The following TADA2A variants were observed in gnomAD, a reference collection of about 807,000 sequenced individuals.
TADA2A encodes the protein transcriptional adaptor 2A, also known as transcriptional adapter 2-alpha.
TADA2A carries 38 observed loss-of-function variants against 67.4 expected under a neutral mutation model. The observed-to-expected ratio is 0.56, with a 90% confidence interval of 0.44 to 0.74. The LOEUF is 0.74. TADA2A is among the 30% of genes least tolerant of loss of function. TADA2A has a pLI of 0.00. For missense variants in TADA2A, 454 were observed against 547.0 expected (o/e 0.83, Z 1.70); for synonymous variants, 192 against 181.6 (o/e 1.06, Z -0.46).
rs367602386 is a variant in TADA2A, at chr17:37,458,581, G to A, written c.662G>A (p.Arg221Gln). ...TCCAGGTTAAAGGAGAGACAAAGACGAAAAAAGTAAGTATAAAAAACCATC... is the reference window on the plus strand; with the variant it reads ...TCCAGGTTAAAGGAGAGACAAAGACAAAAAAAGTAAGTATAAAAAACCATC... The part of the protein sequence containing the change: ...YHSRLKERQR[R>Q]KKIIRDHGLI... The change falls in exon 9 of 16, where the codon CGA becomes CAA. Residue 221 changes from arginine to glutamine, a missense_variant. This residue lies in a region of TADA2A where 403 missense variants were observed against 455.5 expected (regional missense o/e 0.88). Coordinates refer to ENST00000615182, the MANE Select transcript of TADA2A (RefSeq NM_001166105.3). 32 of 1,610,940 alleles carry A rather than the reference G, an allele frequency of 2.0e-5. No individual in the cohort carries two copies. Among genetic ancestry groups the A allele is most frequent in the Admixed American group, 3.3e-5 (2 of 59,776 alleles).
At chr17:37,409,252 A>T (rs549206664) in intron 1 of TADA2A, among the ~76,000 whole-genome samples, 1 of 151,690 alleles carries the variant, frequency 6.6e-6, no homozygotes, top group Non-Finnish European at 1.5e-5. Context: ...CGCCAAGCAA[A>T]TTTTTTTGTA....
chr17:37,418,135 C>G (rs772020396), intron 2 of TADA2A, among the ~76,000 whole-genome samples: 7 of 152,150 alleles, frequency 4.6e-5, no homozygotes, highest in Admixed American at 6.6e-5. Flanking sequence ...CTCCTCTAGA[C>G]TTATATACAA....
chr17:37,441,473 CAT>C (rs2052915362), intron 6 of TADA2A, among the ~76,000 whole-genome samples: 1 of 152,102 alleles, frequency 6.6e-6, no homozygotes, highest in Non-Finnish European at 1.5e-5. Flanking sequence ...TTTTTAATCT[CAT>C]GTGCGTGTGG....
intron 6 of TADA2A, among the ~76,000 whole-genome samples, chr17:37,441,689 CAG>C (rs1213481345): frequency 2.2e-5 from 3 of 138,358 alleles, no homozygotes; most frequent in Non-Finnish European, 3.0e-5. Flanking sequence ...TTTTTGGAGA[CAG>C]AGTCTCGCTG....
chr17:37,434,890 G>A (rs980346678), intron 4 of TADA2A, among the ~76,000 whole-genome samples: 2 of 152,118 alleles, frequency 1.3e-5, no homozygotes, highest in African/African-American at 4.8e-5. Context: ...TCCATTTTTA[G>A]TTAACAGGAG....
At chr17:37,459,085 T>C (rs2053479554) in intron 9 of TADA2A, among the ~76,000 whole-genome samples, 1 of 152,188 alleles carries the variant, frequency 6.6e-6, no homozygotes, top group Admixed American at 6.6e-5. Context: ...CAATTTTTCC[T>C]TCTCTCAATT....
intron 2 of TADA2A, among the ~76,000 whole-genome samples, chr17:37,416,961 A>G (rs1345580488): frequency 6.6e-6 from 1 of 152,172 alleles, no homozygotes; most frequent in Non-Finnish European, 1.5e-5. Flanking sequence ...ATTTTAAAAA[A>G]TTTTGAAATA....
chr17:37,475,232 T>C (rs1405067160), intron 15 of TADA2A, among the ~76,000 whole-genome samples: 2 of 152,076 alleles, frequency 1.3e-5, no homozygotes, highest in Admixed American at 1.3e-4. Context: ...AGTGCAGTGA[T>C]GCGATCACAG....
intron 5 of TADA2A, 24 bp from the exon 6 acceptor site, chr17:37,440,481 T>A: frequency 6.2e-7 from 1 of 1,611,844 alleles, no homozygotes; most frequent in Non-Finnish European, 8.5e-7. Context: ...GTACCACTTC[T>A]CTCTTTTTCC....
chr17:37,472,990 C>T (rs924563796), intron 14 of TADA2A, among the ~76,000 whole-genome samples: 1 of 151,942 alleles, frequency 6.6e-6, no homozygotes, highest in Admixed American at 6.6e-5. Flanking sequence ...GAGACAGGGT[C>T]TCCCTCTACT....
At position 37,476,805 on chromosome 17, in the gene TADA2A, G is replaced by T; in HGVS notation, c.1155G>T (p.Gln385His). 1 of 1,608,566 alleles carries T rather than the reference G, an allele frequency of 6.2e-7. No individual in the cohort carries two copies. Among genetic ancestry groups the T allele is most frequent in the Non-Finnish European group, 8.5e-7 (1 of 1,175,966 alleles). The change falls in exon 16 of 16, where the codon CAG becomes CAT. Residue 385 changes from glutamine (Q) to histidine (H), a missense_variant. Around this residue, in one of 2 missense-constraint regions of TADA2A, gnomAD observed 51 missense variants for 91.5 expected, o/e 0.56. Transcript: ENST00000615182. ...TTTGCCGTGTCTTGCAGCTCTGTCAGATGGTGAGGTTGGTCCCTGGAGCCT... is the reference window on the plus strand; with the variant it reads ...TTTGCCGTGTCTTGCAGCTCTGTCATATGGTGAGGTTGGTCCCTGGAGCCT... ...KLNEKEKELC[Q>H]MVRLVPGAYL... is the part of the protein sequence containing the mutation.
intron 2 of TADA2A, among the ~76,000 whole-genome samples, chr17:37,421,961 C>G (rs1433316201): frequency 6.9e-6 from 1 of 145,702 alleles, no homozygotes; most frequent in African/African-American, 2.5e-5. Flanking sequence ...TCACTGCAAC[C>G]TCCGCCTCCC....
chr17:37,419,113 A>G (rs2052149001), intron 2 of TADA2A, among the ~76,000 whole-genome samples: 2 of 146,588 alleles, frequency 1.4e-5, no homozygotes, highest in Non-Finnish European at 3.0e-5. Context: ...TGTGGATGAC[A>G]TACTTTACAG....
intron 4 of TADA2A, among the ~76,000 whole-genome samples, chr17:37,436,110 C>T (rs543660294): frequency 3.3e-5 from 5 of 152,018 alleles, no homozygotes; most frequent in African/African-American, 1.2e-4. Flanking sequence ...CACTAACCAA[C>T]GTAATTATTT....
rs773246051 is a variant in TADA2A at position 37,428,950 on chromosome 17, G to A, written c.192+1941G>A. Among the ~76,000 whole-genome samples, 10 of 151,686 alleles carry A rather than the reference G, an allele frequency of 6.6e-5. 1 individual carries two copies. The highest frequency in any genetic ancestry group is 8.8e-5 in the Non-Finnish European group (6 of 67,942). On this transcript the variant is annotated intron_variant, in intron 4 of 15. Coordinates refer to ENST00000615182, the MANE Select transcript of TADA2A (RefSeq NM_001166105.3). ...AGTCCCAGCTACTCGGGAGGTTGAG[G>A]CGGGAGAATGATGTGAACCCGGGAG...
At chr17:37,431,049 CT>C (rs917950208) in intron 4 of TADA2A, among the ~76,000 whole-genome samples, 2 of 150,324 alleles carry the variant, frequency 1.3e-5, no homozygotes, top group African/African-American at 4.9e-5. Flanking sequence ...CAAATCATGA[CT>C]TTTTTTTTGT....
chr17:37,440,471 G>A (rs757854975), intron 5 of TADA2A, 34 bp from the exon 6 acceptor site: 4 of 1,610,232 alleles, frequency 2.5e-6, no homozygotes, highest in East Asian at 2.2e-5. Flanking sequence ...GTAAATACAA[G>A]TACCACTTCT....
intron 2 of TADA2A, among the ~76,000 whole-genome samples, chr17:37,412,017 T>C (rs1308866568): frequency 6.6e-6 from 1 of 151,220 alleles, no homozygotes; most frequent in Non-Finnish European, 1.5e-5. Flanking sequence ...GAGACCATCC[T>C]GGCTAACACA....
intron 5 of TADA2A, chr17:37,438,065 A>T (rs80168521): frequency 2.2e-6 from 1 of 450,258 alleles, no homozygotes; most frequent in Non-Finnish European, 4.0e-6. Context: ...GCCACTTTGG[A>T]TGTATCAACA....
Sources: allele counts gnomAD v4.1 joint callset (sites outside exome capture counted in the v4.1 genomes callset), GRCh38; gene constraint gnomAD v4.1.1; regional missense constraint gnomAD v4.1.1; transcripts MANE v1.5; gene names NCBI Gene and HGNC (gene_info 2026-07-23, HGNC 2026-07-21).